The following ARMH4 variants were observed in gnomAD, a reference collection of about 807,000 sequenced individuals.
ARMH4 encodes armadillo-like helical domain-containing protein 4.
A neutral mutation model predicts 61.9 loss-of-function variants in ARMH4; 49 were observed. The observed-to-expected ratio is 0.79, with a 90% CI of 0.63 to 1.00. The LOEUF is 1.00. Among genes scored for constraint, ARMH4 ranks in the 50% least tolerant of loss-of-function variants. The pLI is 0.00. For missense variants in ARMH4, 934 were observed against 930.0 expected (o/e 1.00, Z -0.06); for synonymous variants, 368 against 341.5 (o/e 1.08, Z -0.85).
intron 1 of ARMH4, 23 bp from the exon 2 acceptor site, chr14:58,139,437 A>T: frequency 7.7e-7 from 1 of 1,293,074 alleles, no homozygotes; most frequent in Non-Finnish European, 1.1e-6. Context: ...AAAGCATATC[A>T]AACTGTCATA....
At chr14:58,068,844 T>TA (rs766192654) in intron 5 of ARMH4, among the ~76,000 whole-genome samples, 3 of 151,948 alleles carry the variant, frequency 2.0e-5, no homozygotes, top group Non-Finnish European at 4.4e-5. Flanking sequence ...CCATCTCTAC[T>TA]AAAAATACAA....
intron 5 of ARMH4, among the ~76,000 whole-genome samples, chr14:58,082,198 C>T (rs1885250803): frequency 6.6e-6 from 1 of 152,152 alleles, no homozygotes; most frequent in African/African-American, 2.4e-5. Context: ...TCTGGGTTTT[C>T]AAATTTATTT....
intron 5 of ARMH4, among the ~76,000 whole-genome samples, chr14:58,088,623 G>T (rs974508656): frequency 6.6e-6 from 1 of 152,148 alleles, no homozygotes; most frequent in Non-Finnish European, 1.5e-5. Flanking sequence ...ATACCTACTT[G>T]AAGAAGCTCC....
chr14:58,112,299 T>C (rs1754117839), intron 4 of ARMH4, among the ~76,000 whole-genome samples: 1 of 151,688 alleles, frequency 6.6e-6, no homozygotes, highest in Non-Finnish European at 1.5e-5. Flanking sequence ...TTTTTTTTTT[T>C]TGGCTTTTTT....
At chr14:58,014,947 A>G (rs1182010370) in intron 5 of ARMH4, among the ~76,000 whole-genome samples, 1 of 152,184 alleles carries the variant, frequency 6.6e-6, no homozygotes. Flanking sequence ...TGGAGGCAGG[A>G]ATGTTAATAT....
chr14:58,050,911 T>C (rs1246660204), intron 5 of ARMH4, among the ~76,000 whole-genome samples: 1 of 152,034 alleles, frequency 6.6e-6, no homozygotes, highest in East Asian at 1.9e-4. Flanking sequence ...TTCCACATCT[T>C]AATGGTATCA....
intron 4 of ARMH4, among the ~76,000 whole-genome samples, chr14:58,126,802 A>AT (rs34763780): frequency 0.051 from 6,936 of 137,252 alleles, 211 homozygotes; most frequent in African/African-American, 0.083. Flanking sequence ...TCTCCATTGG[A>AT]TTTTTTTTTT....
chr14:58,012,067 T>C, intron 6 of ARMH4, 52 bp downstream of exon 6: 1 of 1,268,092 alleles, frequency 7.9e-7, no homozygotes, highest in Non-Finnish European at 1.1e-6. Context: ...TTTTGCTTAA[T>C]AAAGCTATAT....
At chr14:58,124,408 T>C (rs1237408770) in intron 4 of ARMH4, among the ~76,000 whole-genome samples, 1 of 152,230 alleles carries the variant, frequency 6.6e-6, no homozygotes, top group African/African-American at 2.4e-5. Context: ...GTTGGCCTCA[T>C]TGTTTACGGG....
chr14:58,137,312 C>G (rs1478990133), intron 2 of ARMH4, among the ~76,000 whole-genome samples: 1 of 152,176 alleles, frequency 6.6e-6, no homozygotes, highest in Non-Finnish European at 1.5e-5. Flanking sequence ...TAAATGTCCC[C>G]TGGGGGAAGG....
chr14:58,009,853 T>C (rs1250182029), intron 6 of ARMH4, among the ~76,000 whole-genome samples: 2 of 148,144 alleles, frequency 1.4e-5, no homozygotes, highest in African/African-American at 2.5e-5. Context: ...GATAACAAAC[T>C]TCTATCTTGG....
rs917718369 is a variant in ARMH4 at position 58,008,525 on chromosome 14, T to A, written c.2122-3343A>T. Among the ~76,000 whole-genome samples, 5 of 152,216 alleles carry A rather than the reference T, an allele frequency of 3.3e-5. No homozygotes were observed. The East Asian group carries it at 9.6e-4, about 29-fold the overall frequency. ...TATCCTTCCTTCTTAGGATAACATA[T>A]TTATTCAGAATAGCTGTCATCAAGA... On this transcript the variant is annotated intron_variant, in intron 6 of 7. Transcript: ENST00000267485.
At chr14:58,087,947 G>T (rs570745661) in intron 5 of ARMH4, among the ~76,000 whole-genome samples, 1 of 152,150 alleles carries the variant, frequency 6.6e-6, no homozygotes, top group African/African-American at 2.4e-5. Context: ...CTTTTCTTTA[G>T]GCTTGGCCAG....
intron 5 of ARMH4, among the ~76,000 whole-genome samples, chr14:58,048,760 G>A (rs1884023837): frequency 1.3e-5 from 2 of 152,178 alleles, no homozygotes; most frequent in Non-Finnish European, 2.9e-5. Context: ...GGAGAGCCAA[G>A]GAAAATAATC....
chr14:58,085,623 A>AT (rs1447968370), intron 5 of ARMH4, among the ~76,000 whole-genome samples: 1 of 152,136 alleles, frequency 6.6e-6, no homozygotes. Context: ...AAGAAATGTG[A>AT]TTTTTTCCAA....
chr14:58,070,686 A>G (rs557269412), intron 5 of ARMH4, among the ~76,000 whole-genome samples: 1 of 152,322 alleles, frequency 6.6e-6, no homozygotes, highest in African/African-American at 2.4e-5. Context: ...CATCCCCTCA[A>G]GCTTTTATCC....
At position 58,001,793 on chromosome 14, in the gene ARMH4, G is replaced by A. The variant is rs1225405529; in HGVS notation, c.*2943C>T. 6.6e-6 allele frequency: 1 copy of A among 152,070 alleles called. No homozygotes were observed. The highest frequency in any genetic ancestry group is 1.5e-5 in the Non-Finnish European group (1 of 68,002). 9.4% of individuals were successfully genotyped at this position (152,070 alleles called of 1,614,324 possible). A position where few individuals can be genotyped will look rare whatever the true frequency, so the allele number is the denominator to read the frequency against. On this transcript the variant is annotated 3_prime_UTR_variant, in exon 8 of 8. Coordinates refer to ENST00000267485, the MANE Select transcript of ARMH4 (RefSeq NM_001001872.4). ...CTTGAGATCTGTATGTTTCACAAGT[G>A]TCCCAGGTGATTTTTATGAGCCTGC...
rs892040520 is a variant in ARMH4 at position 58,001,268 on chromosome 14, T to C, written c.*3468A>G. On this transcript the variant is annotated 3_prime_UTR_variant, in exon 8 of 8. Coordinates refer to ENST00000267485, the MANE Select transcript of ARMH4 (RefSeq NM_001001872.4). The stretch of plus-strand genomic sequence containing the variant: ...TATCCATTCATCTATTGATAGATAT[T>C]TGCATATCTATCAATGCAATTTCCA... The C allele has an allele frequency of 5.3e-4, 80 of 152,358 alleles. No homozygotes were observed. The highest frequency in any genetic ancestry group is 1.9e-3 in the African/African-American group (77 of 41,590). The allele number at this position is 152,358 out of a possible 1,614,324, so 9.4% of individuals were successfully genotyped here. A position where few individuals can be genotyped will look rare whatever the true frequency, so the allele number is the denominator to read the frequency against.
intron 5 of ARMH4, among the ~76,000 whole-genome samples, chr14:58,063,344 A>C (rs1312828300): frequency 6.6e-6 from 1 of 152,166 alleles, no homozygotes; most frequent in Non-Finnish European, 1.5e-5. Flanking sequence ...TGAAGACTTT[A>C]TTTCCAACTA....
Sources: allele counts gnomAD v4.1 joint callset (sites outside exome capture counted in the v4.1 genomes callset), GRCh38; gene constraint gnomAD v4.1.1; transcripts MANE v1.5; gene names NCBI Gene and HGNC (gene_info 2026-07-23, HGNC 2026-07-21).